The following ARID1B variants were observed in gnomAD, a reference collection of about 807,000 sequenced individuals.
ARID1B encodes AT-rich interaction domain 1B, also known as AT-rich interactive domain-containing protein 1B.
A neutral mutation model predicts 212.3 loss-of-function variants in ARID1B; 30 were observed. The observed-to-expected ratio is 0.14, with a 90% CI of 0.11 to 0.19. The LOEUF (loss-of-function observed/expected upper bound fraction) is 0.19, where lower values mean the gene tolerates loss of function less well. Among genes scored for constraint, ARID1B ranks in the 10% least tolerant of loss-of-function variants. The pLI, the probability that ARID1B is intolerant of heterozygous loss-of-function variation, is 1.00. For missense variants in ARID1B, 2,891 were observed against 3,204.0 expected (o/e 0.90, Z 2.36); for synonymous variants, 1,402 against 1,301.7 (o/e 1.08, Z -1.66).
chr6:156,800,551 C>T (rs569643238), intron 1 of ARID1B, among the ~76,000 whole-genome samples: 7 of 151,928 alleles, frequency 4.6e-5, no homozygotes, highest in South Asian at 2.1e-4. Flanking sequence ...ATTGTACCAC[C>T]GCACTTCAAC....
intron 5 of ARID1B, among the ~76,000 whole-genome samples, chr6:157,089,365 T>C (rs977919186): frequency 1.3e-5 from 2 of 152,122 alleles, no homozygotes; most frequent in African/African-American, 4.8e-5. Context: ...TGCCCTCCTA[T>C]CTTGCTGCAT....
rs1295091154 is a variant in ARID1B, at chr6:156,779,434, GC to G, written c.1758del (p.Gly587AlafsTer19). 4 of 1,464,404 alleles carry G rather than the reference GC, an allele frequency of 2.7e-6. No homozygotes were observed. The highest frequency in any genetic ancestry group is 2.1e-5 in the Admixed American group (1 of 47,928). The allele number at this position is 1,464,404 out of a possible 1,614,324, so 90.7% of individuals were successfully genotyped here. On this transcript the variant is annotated frameshift_variant, in exon 1 of 20. Coordinates refer to ENST00000636930, the MANE Select transcript of ARID1B (RefSeq NM_001374828.1). LOFTEE classifies it high-confidence loss of function. The stretch of plus-strand genomic sequence containing the variant: ...CAACAAAGGAGTCACCCGGCGATGA[GC>G]CCCGGCACCCCCGGACCGACCATGG... ...AAQQRSHPAMSPGTPGPTMGR... is the reference protein window; with the variant it reads ...AAQQRSHPAMXPGTPGPTMGR...
rs1291907563 is a variant in ARID1B, at chr6:157,184,405, A to G, written c.3889A>G (p.Lys1297Glu). Residue 1297 changes from lysine (K) to glutamate (E), a missense_variant, in exon 13 of 20, where the codon AAG becomes GAG. Physicochemically the swap from Lys to Glu is moderately conservative, Grantham distance 56 (BLOSUM62 1). This residue lies in a region of ARID1B where 666 missense variants were observed against 873.5 expected (regional missense o/e 0.76). Coordinates refer to ENST00000636930, the MANE Select transcript of ARID1B (RefSeq NM_001374828.1). ...AGTCTTCAGCACCGGGGACACCAAA[A>G]AGCAGCCCAAGCTCCAGCCGCCATC... ...PEVFSTGDTK[K>E]QPKLQPPSPA... 1 of 1,614,018 alleles carries G rather than the reference A, an allele frequency of 6.2e-7. No individual in the cohort carries two copies.
At chr6:157,106,740 C>T (rs1254410667) in intron 5 of ARID1B, among the ~76,000 whole-genome samples, 1 of 152,176 alleles carries the variant, frequency 6.6e-6, no homozygotes, top group African/African-American at 2.4e-5. Context: ...GAGGGGATTA[C>T]TCACCGGTGT....
intron 8 of ARID1B, 27 bp from the exon 9 acceptor site, chr6:157,167,013 T>C (rs2128290024): frequency 1.2e-6 from 2 of 1,606,724 alleles, no homozygotes; most frequent in South Asian, 2.2e-5. Flanking sequence ...GGTCGGTATA[T>C]GTGTGCTGTG....
chr6:156,824,742 G>A (rs1782621711), intron 1 of ARID1B, among the ~76,000 whole-genome samples: 1 of 152,170 alleles, frequency 6.6e-6, no homozygotes, highest in East Asian at 1.9e-4. Context: ...TCCAGTCTGG[G>A]TGACAGAGCG....
intron 1 of ARID1B, among the ~76,000 whole-genome samples, chr6:156,783,532 G>A (rs1779425648): frequency 6.6e-6 from 1 of 152,146 alleles, no homozygotes; most frequent in African/African-American, 2.4e-5. Context: ...ATTCTGGGCA[G>A]GGTGTATCTA....
intron 4 of ARID1B, among the ~76,000 whole-genome samples, chr6:157,059,364 G>A (rs1221007140): frequency 6.6e-6 from 1 of 152,146 alleles, no homozygotes; most frequent in Non-Finnish European, 1.5e-5. Context: ...GCTTTTTAGA[G>A]AGATAAAGTT....
intron 13 of ARID1B, chr6:157,186,433 C>T (rs1350928821): frequency 1.1e-5 from 5 of 470,930 alleles, no homozygotes; most frequent in South Asian, 3.1e-5. Context: ...GCCCCGAGAG[C>T]GCGTGCAGGG....
At chr6:157,010,433 C>G (rs1779525407) in intron 4 of ARID1B, among the ~76,000 whole-genome samples, 1 of 151,932 alleles carries the variant, frequency 6.6e-6, no homozygotes, top group South Asian at 2.1e-4. Flanking sequence ...AGCGATTCTT[C>G]TGCCTCAGCC....
In ARID1B at chr6:156,931,451, A is replaced by G. The variant is rs541202306; in HGVS notation, c.2137-4015A>G. Among the ~76,000 whole-genome samples the G allele has an allele frequency of 2.6e-5, 4 of 152,186 alleles. No individual in the cohort carries two copies. In the South Asian group the frequency reaches 8.3e-4, roughly 32 times the overall value. On this transcript the variant is annotated intron_variant, in intron 3 of 19. Transcript: ENST00000636930. Reference sequence around the variant, plus strand: ...GGATACTAGTGTTTTCCTCCTGGTCATGTTTCATTTCATACTGTGATATGT... The same window carrying G: ...GGATACTAGTGTTTTCCTCCTGGTCGTGTTTCATTTCATACTGTGATATGT...
chr6:156,853,352 T>C (rs566699705), intron 2 of ARID1B, among the ~76,000 whole-genome samples: 4 of 152,302 alleles, frequency 2.6e-5, no homozygotes, highest in South Asian at 2.1e-4. Context: ...GATGAGTATT[T>C]TCCCACCGCG....
At chr6:157,082,060 C>G (rs1583274786) in intron 4 of ARID1B, among the ~76,000 whole-genome samples, 1 of 152,092 alleles carries the variant, frequency 6.6e-6, no homozygotes, top group Non-Finnish European at 1.5e-5. Context: ...TATCACCCAT[C>G]CTGGGTTTTT....
intron 4 of ARID1B, among the ~76,000 whole-genome samples, chr6:156,997,596 C>G (rs1295124438): frequency 6.6e-6 from 1 of 150,470 alleles, no homozygotes; most frequent in Non-Finnish European, 1.5e-5. Flanking sequence ...TAGAGAAATT[C>G]TTATTTACAA....
chr6:157,191,800 T>C (rs1362505374), intron 15 of ARID1B, among the ~76,000 whole-genome samples: 1 of 152,244 alleles, frequency 6.6e-6, no homozygotes, highest in African/African-American at 2.4e-5. Context: ...AATATTTTTA[T>C]GGAAATACTT....
intron 1 of ARID1B, among the ~76,000 whole-genome samples, chr6:156,812,615 T>C (rs1328556744): frequency 6.6e-6 from 1 of 152,204 alleles, no homozygotes; most frequent in Admixed American, 6.5e-5. Context: ...CAATGTTGAA[T>C]GAACAAATAA....
chr6:156,920,055 T>C (rs1007553007), intron 3 of ARID1B, among the ~76,000 whole-genome samples: 1 of 152,268 alleles, frequency 6.6e-6, no homozygotes, highest in Non-Finnish European at 1.5e-5. Flanking sequence ...CCTTGTTCTC[T>C]AGTTTTTAGT....
chr6:156,992,692 C>G (rs901656766), intron 4 of ARID1B, among the ~76,000 whole-genome samples: 1 of 152,120 alleles, frequency 6.6e-6, no homozygotes, highest in Non-Finnish European at 1.5e-5. Flanking sequence ...CCAGAGCAGC[C>G]GTGGCCTGTT....
At chr6:156,983,504 T>C (rs1777743697) in intron 4 of ARID1B, among the ~76,000 whole-genome samples, 2 of 152,218 alleles carry the variant, frequency 1.3e-5, no homozygotes, top group South Asian at 4.1e-4. Flanking sequence ...GCCAGCTTTT[T>C]CACTGGGGAC....
Sources: gnomAD v4.1 joint callset for allele counts (sites outside exome capture counted in the v4.1 genomes callset) on GRCh38, gnomAD v4.1.1 for gene constraint, gnomAD v4.1.1 regional missense constraint, MANE v1.5 for transcripts, NCBI Gene and HGNC (gene_info 2026-07-23, HGNC 2026-07-21) for gene names.